BNIPL: variants seen among roughly 807,000 people sequenced by gnomAD.
BNIPL encodes BCL2 interacting protein like, also known as bcl-2/adenovirus E1B 19 kDa-interacting protein 2-like protein.
BNIPL carries 33 observed loss-of-function variants against 47.0 expected under a neutral mutation model. The ratio of observed to expected loss-of-function variants is 0.70; its 90% CI spans 0.53 to 0.94. The LOEUF (loss-of-function observed/expected upper bound fraction) is 0.94. BNIPL is among the 40% of genes least tolerant of loss of function. The probability of loss-of-function intolerance (pLI) is 0.00; values close to 1 mark genes in which losing one functional copy is unlikely to be tolerated. For synonymous variants in BNIPL, 145 were observed against 162.7 expected, an observed-to-expected ratio of 0.89 and a Z score of 0.83; for missense variants, 404 against 445.2, an observed-to-expected ratio of 0.91 and a Z score of 0.83.
intron 7 of BNIPL, among the ~76,000 whole-genome samples, chr1:151,044,390 C>T (rs1275898429): frequency 6.6e-6 from 1 of 152,200 alleles, no homozygotes; most frequent in East Asian, 1.9e-4. Flanking sequence ...ACACAGAAAG[C>T]ACTCTTCTCT....
chr1:151,043,347 G>C lies in BNIPL; in HGVS notation c.632G>C (p.Gly211Ala). 6.2e-7 allele frequency: 1 copy of C among 1,608,476 alleles called. No homozygotes were observed. Among genetic ancestry groups the C allele is most frequent in the East Asian group, 2.2e-5 (1 of 44,854 alleles). Reference protein sequence around the residue: ...VLSHGGYHGDGLNAVILFASC... With the variant: ...VLSHGGYHGDALNAVILFASC... ...CACTCTCCAGGTTACCACGGTGATG[G>C]CCTCAATGCTGTCATCCTTTTTGCT... Residue 211 changes from glycine (G) to alanine (A), a missense_variant, in exon 6 of 10, where the codon GGC becomes GCC. Transcript: ENST00000368931.
chr1:151,042,973 G>C lies in BNIPL; in HGVS notation c.451G>C (p.Glu151Gln). ...FEWEDELPRA[E>Q]GLGTSETAER... ...TCTTTTAGATGAACTACCCCGGGCA[G>C]AGGGTCTGGGCACCAGTGAGACAGC... is the stretch of plus-strand genomic sequence containing the variant. Residue 151 changes from glutamate to glutamine, a missense_variant, in exon 5 of 10, where the codon GAG (glutamate) becomes CAG (glutamine). Coordinates refer to ENST00000368931, the MANE Select transcript of BNIPL (RefSeq NM_138278.4). 1 of 1,585,676 alleles carries C rather than the reference G, an allele frequency of 6.3e-7. No individual in the cohort carries two copies. The highest frequency in any genetic ancestry group is 8.5e-7 in the Non-Finnish European group (1 of 1,171,770).
At chr1:151,036,803 G>A in intron 1 of BNIPL, 37 bp downstream of exon 1, 1 of 1,574,068 alleles carries the variant, frequency 6.4e-7, no homozygotes, top group South Asian at 1.1e-5. Flanking sequence ...TGGTAACAGT[G>A]AATAAACAGT....
chr1:151,041,624 T>C (rs146778678), intron 4 of BNIPL, among the ~76,000 whole-genome samples: 273 of 152,060 alleles, frequency 1.8e-3, no homozygotes, highest in African/African-American at 5.8e-3. Context: ...ACAACAACAA[T>C]AATAATAATA....
chr1:151,037,723 T>A, intron 2 of BNIPL, 61 bp downstream of exon 2: 1 of 1,423,444 alleles, frequency 7.0e-7, no homozygotes, highest in Non-Finnish European at 9.7e-7. Context: ...ACGGAGGGGA[T>A]GGCGCGGCGG....
chr1:151,045,994 ATT>A, intron 8 of BNIPL, 71 bp from the exon 9 acceptor site: 2 of 1,612,168 alleles, frequency 1.2e-6, no homozygotes, highest in Non-Finnish European at 1.7e-6. Flanking sequence ...CTACTTCTAC[ATT>A]TTTCTTTGCA....
rs775587896 is a variant in BNIPL, at chr1:151,046,109, G to A, written c.981G>A (p.Gly327=). ...TRKIRFLDSL[G]ELAQLISLDQ... ...AAATCCGTTTTCTGGACAGCCTGGG[G>A]GAGCTGGCCCAACTCATATCCCTGG... The change falls in exon 9 of 10, where the codon GGG becomes GGA. Residue 327 remains glycine, a synonymous_variant. Transcript: ENST00000368931. 90 of 1,613,986 alleles carry A rather than the reference G, an allele frequency of 5.6e-5. No homozygotes were observed. Among genetic ancestry groups the A allele is most frequent in the Non-Finnish European group, 7.2e-5 (85 of 1,180,032 alleles).
At chr1:151,045,109 A>C (rs1478677813) in intron 7 of BNIPL, 1 of 384,392 alleles carries the variant, frequency 2.6e-6, no homozygotes, top group East Asian at 1.2e-4. Flanking sequence ...CTACTAAAAA[A>C]ATACAAAAAT....
In BNIPL at chr1:151,043,229, C is replaced by T. The variant is rs951981445; in HGVS notation, c.616+91C>T. 9.2e-6 allele frequency: 14 copies of T among 1,524,382 alleles called. 1 individual carries two copies. The African/African-American group carries it at 1.5e-4, about 16-fold the overall frequency. The allele number at this position is 1,524,382 out of a possible 1,614,324, so 94.4% of individuals were successfully genotyped here. A position where few individuals can be genotyped will look rare whatever the true frequency, so the allele number is the denominator to read the frequency against. On this transcript the variant is annotated intron_variant, in intron 5 of 9. Coordinates refer to ENST00000368931, the MANE Select transcript of BNIPL (RefSeq NM_138278.4). ...CTCAGTCATTGGATCCAAAATCTAT[C>T]CTGGAACTTCCAGAGACCCTCAGAG...
chr1:151,037,220 T>G (rs1675641376), intron 1 of BNIPL: 1 of 561,214 alleles, frequency 1.8e-6, no homozygotes, highest in Non-Finnish European at 2.4e-6. Flanking sequence ...CCTAACTAGG[T>G]ACCGTCTTCC....
In BNIPL at chr1:151,038,914, C is replaced by T. The variant is rs1356017023; in HGVS notation, c.321C>T (p.Pro107=). The change falls in exon 4 of 10, where the codon CCC becomes CCT. Residue 107 remains proline (P), a synonymous_variant. Coordinates refer to ENST00000368931, the MANE Select transcript of BNIPL (RefSeq NM_138278.4). The stretch of plus-strand genomic sequence containing the variant: ...GGCCTGGAAATGATGGAGCTTCACC[C>T]ACCCAGTCTGCACCTTCCTCTCCTG... ...TKGPGNDGAS[P]TQSAPSSPDG... is the part of the protein sequence containing the mutation. 1.2e-6 allele frequency: 2 copies of T among 1,614,100 alleles called. No individual in the cohort carries two copies. Among genetic ancestry groups the T allele is most frequent in the South Asian group, 1.1e-5 (1 of 91,084 alleles).
At chr1:151,045,606 A>T in intron 7 of BNIPL, 191 bp from the exon 8 acceptor site, 2 of 848,462 alleles carry the variant, frequency 2.4e-6, no homozygotes, top group Non-Finnish European at 3.3e-6. Context: ...AAAAATGAGG[A>T]TCATGGAGGG....
At chr1:151,040,736 G>A (rs923336397) in intron 4 of BNIPL, among the ~76,000 whole-genome samples, 1 of 150,726 alleles carries the variant, frequency 6.6e-6, no homozygotes, top group South Asian at 2.1e-4. Context: ...TGGAGGTTGC[G>A]GTGAGCCGAG....
rs1383125773 is a variant in BNIPL, at chr1:151,046,923, A to G, written c.*236A>G. On this transcript the variant is annotated 3_prime_UTR_variant, in exon 10 of 10. Transcript: ENST00000368931. The stretch of plus-strand genomic sequence containing the variant: ...GTTGCTGGGACGGAAGGCTGAATGT[A>G]GGGTCATTTTGTATGGGATATGCAG... The G allele has an allele frequency of 1.1e-5, 5 of 441,768 alleles. No homozygotes were observed. Among genetic ancestry groups the G allele is most frequent in the African/African-American group, 2.0e-5 (1 of 49,026 alleles). 27.4% of individuals were successfully genotyped at this position (441,768 alleles called of 1,614,324 possible). A position where few individuals can be genotyped will look rare whatever the true frequency, so the allele number is the denominator to read the frequency against.
intron 8 of BNIPL, 74 bp downstream of exon 8, chr1:151,045,957 C>T: frequency 6.2e-7 from 1 of 1,613,338 alleles, no homozygotes; most frequent in Non-Finnish European, 8.5e-7. Flanking sequence ...TCTTTCTCCA[C>T]CTTGATTCTT....
Position 151,036,662 on chromosome 1 carries a change from T to G in BNIPL, c.-64T>G, listed in dbSNP as rs994187525. On this transcript the variant is annotated 5_prime_UTR_variant, in exon 1 of 10. Transcript: ENST00000368931. ...AAAGAGGTAAGGAAGTGTTGGGGGC[T>G]GGGACAACCAGCTCCCCAACAACTC... is the stretch of plus-strand genomic sequence containing the variant. The G allele has an allele frequency of 7.0e-7, 1 of 1,432,148 alleles. No individual in the cohort carries two copies. The highest frequency in any genetic ancestry group is 1.7e-5 in the Admixed American group (1 of 59,636). 88.7% of individuals were successfully genotyped at this position (1,432,148 alleles called of 1,614,324 possible). A position where few individuals can be genotyped will look rare whatever the true frequency, so the allele number is the denominator to read the frequency against.
At chr1:151,036,933 A>T (rs1558097358) in intron 1 of BNIPL, among the ~76,000 whole-genome samples, 167 bp downstream of exon 1, 1 of 152,192 alleles carries the variant, frequency 6.6e-6, no homozygotes, top group Non-Finnish European at 1.5e-5. Context: ...AGGAAATGTC[A>T]GTATGGTATG....
chr1:151,037,670 C>A lies in BNIPL; in HGVS notation c.137+8C>A, dbSNP rs756326693. On this transcript the variant is annotated splice_region_variant and intron_variant, in intron 2 of 9. Coordinates refer to ENST00000368931, the MANE Select transcript of BNIPL (RefSeq NM_138278.4). ...GGATGAAGAATTCCCTAGGTGAGGA[C>A]GTGTGAGGGTGGCTGGGAGAAGGGA... The A allele has an allele frequency of 1.3e-6, 2 of 1,583,560 alleles. No individual in the cohort carries two copies. The highest frequency in any genetic ancestry group is 2.3e-5 in the South Asian group (2 of 87,290).
chr1:151,043,047 A>G lies in BNIPL; in HGVS notation c.525A>G (p.Gly175=), dbSNP rs1675885314. 6.2e-7 allele frequency: 1 copy of G among 1,611,550 alleles called. No individual in the cohort carries two copies. Among genetic ancestry groups the G allele is most frequent in the African/African-American group, 1.3e-5 (1 of 74,736 alleles). ...TGTGGGATGTGACTGGAGAAGATGGACATCACTGGAGGGTGTTCCGAATGG... is the reference window on the plus strand; with the variant it reads ...TGTGGGATGTGACTGGAGAAGATGGGCATCACTGGAGGGTGTTCCGAATGG... The part of the protein sequence containing the change: ...GCMWDVTGED[G]HHWRVFRMGP... The change falls in exon 5 of 10, where the codon GGA becomes GGG. Residue 175 remains glycine, a synonymous_variant. Transcript: ENST00000368931.
Sources: gnomAD v4.1 joint callset for allele counts (sites outside exome capture counted in the v4.1 genomes callset) on GRCh38, gnomAD v4.1.1 for gene constraint, MANE v1.5 for transcripts, NCBI Gene and HGNC (gene_info 2026-07-23, HGNC 2026-07-21) for gene names.